Variants in CFAP69 observed in about 807,000 individuals in gnomAD.
CFAP69 encodes the protein cilia- and flagella-associated protein 69.
A neutral mutation model predicts 123.0 loss-of-function variants in CFAP69; 92 were observed. The observed-to-expected ratio is 0.75, with a 90% CI of 0.63 to 0.89. The LOEUF is 0.89. Ranked by LOEUF, CFAP69 falls within the 40% of genes least tolerant of loss-of-function variation. The pLI is 0.00. For synonymous variants in CFAP69, 380 were observed against 364.3 expected (o/e 1.04, Z -0.49); for missense variants, 1,067 against 1,096.9 (o/e 0.97, Z 0.39).
chr7:90,255,451 G>T lies in CFAP69; in HGVS notation c.149G>T (p.Arg50Leu). ...GTTTTCAAGCCTATGGACCTTAATC[G>T]TGTCATCAAACTCCTCGAAGAGACT... ...QDVFKPMDLNRVIKLLEETDK... is the reference protein window; with the variant it reads ...QDVFKPMDLNLVIKLLEETDK... The change falls in exon 2 of 23, where the codon CGT becomes CTT. Residue 50 changes from arginine to leucine, a missense_variant. Coordinates refer to ENST00000389297, the MANE Select transcript of CFAP69 (RefSeq NM_001039706.3). 5 of 1,612,712 alleles carry T rather than the reference G, an allele frequency of 3.1e-6. No individual in the cohort carries two copies. The highest frequency in any genetic ancestry group is 4.2e-6 in the Non-Finnish European group (5 of 1,179,284).
chr7:90,265,036 C>T (rs186962431), intron 4 of CFAP69, among the ~76,000 whole-genome samples: 1 of 152,244 alleles, frequency 6.6e-6, no homozygotes, highest in East Asian at 1.9e-4. Flanking sequence ...TCGTGATCCA[C>T]CCACCTCGGC....
At chr7:90,307,713 C>G in intron 20 of CFAP69, 55 bp from the exon 21 acceptor site, 1 of 986,224 alleles carries the variant, frequency 1.0e-6, no homozygotes, top group Non-Finnish European at 1.4e-6. Flanking sequence ...GGTTCTGTCT[C>G]AAAAAAAAAA....
intron 2 of CFAP69, among the ~76,000 whole-genome samples, chr7:90,256,357 G>A (rs1425141466): frequency 1.3e-5 from 2 of 151,946 alleles, no homozygotes; most frequent in Non-Finnish European, 2.9e-5. Context: ...GGAGGGGAAC[G>A]TCACATACCA....
In CFAP69 at chr7:90,307,773, G is replaced by C; in HGVS notation, c.2469G>C (p.Gln823His). Residue 823 changes from glutamine (Q) to histidine (H), a missense_variant, in exon 21 of 23, where the codon CAG (glutamine) becomes CAC (histidine). Coordinates refer to ENST00000389297, the MANE Select transcript of CFAP69 (RefSeq NM_001039706.3). ...AATTATCTTTCTCATTTCAGATACA[G>C]GCCACGCACAAGCAAAGAGAGCTGG... The part of the protein sequence containing the change: ...QNEQKVYAKI[Q>H]ATHKQRELAN... The C allele has an allele frequency of 6.3e-7, 1 of 1,599,388 alleles. No individual in the cohort carries two copies. The highest frequency in any genetic ancestry group is 8.5e-7 in the Non-Finnish European group (1 of 1,172,968).
downstream of CFAP69, among the ~76,000 whole-genome samples, chr7:90,313,342 A>AT (rs1794485079): frequency 1.3e-5 from 2 of 152,306 alleles, no homozygotes; most frequent in East Asian, 1.9e-4. Context: ...ATTAGCAACC[A>AT]TTTTTTATTG....
chr7:90,264,102 AAAATATATAT>A (rs1385927040), intron 4 of CFAP69, among the ~76,000 whole-genome samples: 18 of 33,806 alleles, frequency 5.3e-4, no homozygotes, highest in South Asian at 4.8e-3. Flanking sequence ...AAAAAAAAAA[AAAATATATAT>A]ATATATATAT....
intron 5 of CFAP69, among the ~76,000 whole-genome samples, chr7:90,266,554 T>G (rs1417120371): frequency 6.6e-6 from 1 of 152,176 alleles, no homozygotes; most frequent in Admixed American, 6.5e-5. Context: ...CCAAGAGTGT[T>G]GACAGTCACT....
intron 19 of CFAP69, among the ~76,000 whole-genome samples, chr7:90,306,412 T>G (rs1793598597): frequency 6.6e-6 from 1 of 152,162 alleles, no homozygotes; most frequent in South Asian, 2.1e-4. Flanking sequence ...GAGATTCCAT[T>G]ATAATTTGCC....
intron 1 of CFAP69, among the ~76,000 whole-genome samples, chr7:90,253,452 G>A (rs1797262815): frequency 6.6e-6 from 1 of 152,154 alleles, no homozygotes; most frequent in Non-Finnish European, 1.5e-5. Flanking sequence ...GTGCAGTGGT[G>A]TGATCTCGAA....
intron 3 of CFAP69, among the ~76,000 whole-genome samples, chr7:90,261,385 A>T (rs201476377): frequency 8.1e-6 from 1 of 123,014 alleles, no homozygotes; most frequent in African/African-American, 4.0e-5. Flanking sequence ...TAGATAAAAT[A>T]AAAGATGCTT....
intron 8 of CFAP69, 42 bp from the exon 9 acceptor site, chr7:90,273,945 T>C: frequency 1.4e-6 from 2 of 1,441,682 alleles, no homozygotes; most frequent in Non-Finnish European, 1.9e-6. Context: ...AAACATTTAG[T>C]GTATAACAAT....
chr7:90,287,976 A>G (rs1459607054), intron 14 of CFAP69, among the ~76,000 whole-genome samples: 1 of 151,896 alleles, frequency 6.6e-6, no homozygotes, highest in African/African-American at 2.4e-5. Context: ...GGAATAAAAC[A>G]AAAAATATCA....
In CFAP69 at chr7:90,245,219, C is replaced by A; in HGVS notation, c.-206C>A. On this transcript the variant is annotated 5_prime_UTR_variant, in exon 1 of 23. In the 5' UTR this introduces an upstream ATG that the reference lacks. Coordinates refer to ENST00000389297, the MANE Select transcript of CFAP69 (RefSeq NM_001039706.3). ...TAACAACCGGCCCGGGATCAGAGGT[C>A]TGGGTCAACTGGGGGGCGGCAGCGG... The A allele has an allele frequency of 1.8e-6, 1 of 545,256 alleles. No homozygotes were observed. The highest frequency in any genetic ancestry group is 2.9e-6 in the Non-Finnish European group (1 of 343,802). 33.8% of individuals were successfully genotyped at this position (545,256 alleles called of 1,614,324 possible).
At chr7:90,253,179 T>C (rs1168677605) in intron 1 of CFAP69, among the ~76,000 whole-genome samples, 5 of 152,224 alleles carry the variant, frequency 3.3e-5, no homozygotes, top group African/African-American at 9.6e-5. Context: ...TGGGAGAGCT[T>C]AACTCCTGTA....
In CFAP69 at chr7:90,271,794, T is replaced by G. The variant is rs1222167149; in HGVS notation, c.696T>G (p.Thr232=). The change falls in exon 8 of 23, where the codon ACT becomes ACG. Residue 232 remains threonine, a synonymous_variant. Coordinates refer to ENST00000389297, the MANE Select transcript of CFAP69 (RefSeq NM_001039706.3). ...QHLSTSEVNC[T]IMMKAQAASG... Reference sequence around the variant, plus strand: ...ATTTATTTTCAGAAGTTAATTGTACTATAATGATGAAAGCACAAGCAGCCA... The same window carrying G: ...ATTTATTTTCAGAAGTTAATTGTACGATAATGATGAAAGCACAAGCAGCCA... The G allele has an allele frequency of 6.3e-7, 1 of 1,579,008 alleles. No homozygotes were observed. The highest frequency in any genetic ancestry group is 2.3e-5 in the East Asian group (1 of 43,294).
intron 1 of CFAP69, among the ~76,000 whole-genome samples, chr7:90,246,721 G>A (rs1796380054): frequency 6.6e-6 from 1 of 151,922 alleles, no homozygotes; most frequent in Admixed American, 6.5e-5. Flanking sequence ...GGGCAAAACT[G>A]AAAAGTATGT....
At chr7:90,263,262 A>G (rs950533988) in intron 4 of CFAP69, among the ~76,000 whole-genome samples, 3 of 151,968 alleles carry the variant, frequency 2.0e-5, no homozygotes, top group African/African-American at 7.2e-5. Context: ...CACATTGTTA[A>G]TTTTTTCTAC....
intron 15 of CFAP69, among the ~76,000 whole-genome samples, chr7:90,291,330 T>A (rs1424494080): frequency 6.6e-6 from 1 of 152,170 alleles, no homozygotes; most frequent in Non-Finnish European, 1.5e-5. Flanking sequence ...TTGTAAACTG[T>A]CGTTGCACTG....
At chr7:90,306,667 A>G (rs1412000619) in intron 19 of CFAP69, among the ~76,000 whole-genome samples, 2 of 152,214 alleles carry the variant, frequency 1.3e-5, no homozygotes, top group East Asian at 3.8e-4. Context: ...AACTAGGCAT[A>G]GGAGAGCCTT....
Sources: gnomAD v4.1 joint callset for allele counts (sites outside exome capture counted in the v4.1 genomes callset) on GRCh38, gnomAD v4.1.1 for gene constraint, MANE v1.5 for transcripts, NCBI Gene and HGNC (gene_info 2026-07-23, HGNC 2026-07-21) for gene names.